SDK1: variants seen among roughly 807,000 people sequenced by gnomAD.
The protein encoded by SDK1 is sidekick cell adhesion molecule 1, also known as protein sidekick-1.
A neutral mutation model predicts 245.5 loss-of-function variants in SDK1; 157 were observed. The observed-to-expected ratio is 0.64, with a 90% CI of 0.56 to 0.73. SDK1 has a LOEUF of 0.73. Ranked by LOEUF, SDK1 falls within the 30% of genes least tolerant of loss-of-function variation. SDK1 has a pLI of 0.00. For missense variants in SDK1, 3,583 were observed against 3,002.3 expected (o/e 1.19, Z -4.52); for synonymous variants, 1,647 against 1,278.5 (o/e 1.29, Z -6.15).
intron 35 of SDK1, among the ~76,000 whole-genome samples, chr7:4,186,898 C>T (rs960359829): frequency 3.9e-5 from 6 of 152,194 alleles, no homozygotes; most frequent in African/African-American, 1.4e-4. Context: ...AGTTCTTGCC[C>T]TGTGCTTTGG....
At chr7:3,359,750 G>A (rs181726943) in intron 1 of SDK1, among the ~76,000 whole-genome samples, 16 of 152,192 alleles carry the variant, frequency 1.1e-4, no homozygotes, top group African/African-American at 3.1e-4. Context: ...ATTGTGAGAC[G>A]GTATCTTCAG....
At chr7:3,786,546 T>C (rs1422848332) in intron 4 of SDK1, among the ~76,000 whole-genome samples, 2 of 152,184 alleles carry the variant, frequency 1.3e-5, no homozygotes, top group African/African-American at 4.8e-5. Flanking sequence ...TGTACAAGAA[T>C]ACAGACAAAA....
At chr7:3,581,432 C>G (rs935667500) in intron 1 of SDK1, among the ~76,000 whole-genome samples, 3 of 152,116 alleles carry the variant, frequency 2.0e-5, no homozygotes, top group African/African-American at 7.2e-5. Flanking sequence ...AAATGCAAAT[C>G]AAAACTACAA....
At chr7:4,192,362 G>A (rs558488713) in intron 35 of SDK1, among the ~76,000 whole-genome samples, 3 of 152,272 alleles carry the variant, frequency 2.0e-5, no homozygotes, top group South Asian at 2.1e-4. Context: ...TGCAAGCTCC[G>A]CCTCCCGGGT....
chr7:3,674,287 G>A (rs1381645574), intron 4 of SDK1, among the ~76,000 whole-genome samples: 3 of 152,116 alleles, frequency 2.0e-5, no homozygotes, highest in Non-Finnish European at 4.4e-5. Context: ...GAGAAGAGGC[G>A]GGTGGAGTGT....
chr7:3,446,038 C>T (rs567722250), intron 1 of SDK1, among the ~76,000 whole-genome samples: 19 of 152,222 alleles, frequency 1.2e-4, no homozygotes, highest in Non-Finnish European at 2.5e-4. Flanking sequence ...TTGCAGTTGA[C>T]AGCTCTTTTC....
chr7:4,072,227 G>C (rs1780298284), intron 20 of SDK1, among the ~76,000 whole-genome samples: 1 of 152,210 alleles, frequency 6.6e-6, no homozygotes, highest in Non-Finnish European at 1.5e-5. Context: ...CAGAGGCCTG[G>C]GTTTGGAGGT....
intron 4 of SDK1, among the ~76,000 whole-genome samples, chr7:3,777,499 C>A (rs2115007376): frequency 6.6e-6 from 1 of 152,314 alleles, no homozygotes; most frequent in African/African-American, 2.4e-5. Context: ...TGTGGCTGAG[C>A]TGGAACCAGA....
chr7:3,903,166 A>G (rs1268727049), intron 5 of SDK1, among the ~76,000 whole-genome samples: 1 of 143,018 alleles, frequency 7.0e-6, no homozygotes, highest in Non-Finnish European at 1.5e-5. Context: ...TTTTTTTGAG[A>G]CAGACGAGAC....
At chr7:3,935,569 T>C (rs915937373) in intron 5 of SDK1, among the ~76,000 whole-genome samples, 1 of 152,124 alleles carries the variant, frequency 6.6e-6, no homozygotes, top group Non-Finnish European at 1.5e-5. Flanking sequence ...GGCAAAGAAC[T>C]GGAATAGGCA....
chr7:3,925,707 AAATT>A (rs1176394101), intron 5 of SDK1, among the ~76,000 whole-genome samples: 4 of 152,112 alleles, frequency 2.6e-5, no homozygotes, highest in African/African-American at 9.7e-5. Context: ...GAAGTTTGTA[AAATT>A]CAGAGCCTCA....
At chr7:3,621,756 G>A (rs1380930040) in intron 2 of SDK1, among the ~76,000 whole-genome samples, 3 of 152,152 alleles carry the variant, frequency 2.0e-5, no homozygotes, top group Non-Finnish European at 4.4e-5. Context: ...GGGTGCAAGA[G>A]TAAGACAGAG....
chr7:3,541,623 A>G (rs1779055193), intron 1 of SDK1, among the ~76,000 whole-genome samples: 1 of 152,190 alleles, frequency 6.6e-6, no homozygotes, highest in East Asian at 1.9e-4. Context: ...CAAATAATAT[A>G]TTTGGTATTT....
At chr7:3,661,442 A>G (rs1304328305) in intron 4 of SDK1, among the ~76,000 whole-genome samples, 2 of 152,190 alleles carry the variant, frequency 1.3e-5, no homozygotes, top group Non-Finnish European at 2.9e-5. Flanking sequence ...TGTGAGTGGA[A>G]TGTCTAGTTG....
intron 35 of SDK1, among the ~76,000 whole-genome samples, chr7:4,198,914 T>C (rs1185281757): frequency 6.6e-6 from 1 of 151,588 alleles, no homozygotes; most frequent in Non-Finnish European, 1.5e-5. Flanking sequence ...CCCTGGTTCC[T>C]GCCATTCTCC....
intron 20 of SDK1, among the ~76,000 whole-genome samples, chr7:4,068,823 G>A (rs1199501597): frequency 3.3e-5 from 5 of 152,124 alleles, no homozygotes; most frequent in Non-Finnish European, 5.9e-5. Flanking sequence ...CCGGGTTCAA[G>A]CAGTTTTCCT....
intron 1 of SDK1, among the ~76,000 whole-genome samples, chr7:3,371,897 T>A (rs1781237327): frequency 6.6e-6 from 1 of 152,192 alleles, no homozygotes; most frequent in Non-Finnish European, 1.5e-5. Flanking sequence ...CTTAGATCTA[T>A]CCTCACAATT....
At chr7:3,320,612 T>C (rs781142677) in intron 1 of SDK1, among the ~76,000 whole-genome samples, 11 of 152,212 alleles carry the variant, frequency 7.2e-5, no homozygotes, top group African/African-American at 1.2e-4. Context: ...TTATGGTCTT[T>C]CTAGATTTTA....
chr7:4,109,682 C>T (rs1250237364), intron 22 of SDK1, among the ~76,000 whole-genome samples: 1 of 152,190 alleles, frequency 6.6e-6, no homozygotes, highest in Non-Finnish European at 1.5e-5. Flanking sequence ...GGGCACAAGG[C>T]CGTGGCTGTC....
Sources: allele counts gnomAD v4.1 joint callset (sites outside exome capture counted in the v4.1 genomes callset), GRCh38; gene constraint gnomAD v4.1.1; transcripts MANE v1.5; gene names NCBI Gene and HGNC (gene_info 2026-07-23, HGNC 2026-07-21).